NELL1: variants seen among roughly 807,000 people sequenced by gnomAD.
NELL1 encodes the protein protein kinase C-binding protein NELL1.
In NELL1, 76 loss-of-function variants were observed where a neutral mutation model predicts 107.4. The observed-to-expected ratio is 0.71, with a 90% CI of 0.59 to 0.86. The LOEUF is 0.86. Ranked by LOEUF, NELL1 falls within the 40% of genes least tolerant of loss-of-function variation. NELL1 has a pLI of 0.00. For synonymous variants in NELL1, 353 were observed against 341.2 expected (o/e 1.03, Z -0.38); for missense variants, 1,024 against 1,005.5 (o/e 1.02, Z -0.25).
chr11:21,263,662 A>G (rs1035982577), intron 14 of NELL1, among the ~76,000 whole-genome samples: 4 of 151,954 alleles, frequency 2.6e-5, no homozygotes, highest in Non-Finnish European at 5.9e-5. Context: ...CCTAGTTTTT[A>G]AGGAGACTTT....
At chr11:20,967,177 A>G (rs1440394484) in intron 12 of NELL1, among the ~76,000 whole-genome samples, 2 of 152,170 alleles carry the variant, frequency 1.3e-5, no homozygotes, top group Non-Finnish European at 2.9e-5. Flanking sequence ...AGGCCAGTTC[A>G]TAGAAGCCCA....
chr11:21,168,630 G>A (rs533890197), intron 13 of NELL1, among the ~76,000 whole-genome samples: 4 of 151,798 alleles, frequency 2.6e-5, no homozygotes, highest in Admixed American at 2.0e-4. Context: ...TGTTCATTGG[G>A]CGAGACCTTC....
intron 13 of NELL1, among the ~76,000 whole-genome samples, chr11:21,150,750 C>T (rs1856096593): frequency 6.6e-6 from 1 of 151,950 alleles, no homozygotes; most frequent in Non-Finnish European, 1.5e-5. Flanking sequence ...GGAGTGAGAC[C>T]CAGAATTAGG....
chr11:21,472,076 A>G (rs1854196319), intron 15 of NELL1, among the ~76,000 whole-genome samples: 1 of 151,966 alleles, frequency 6.6e-6, no homozygotes, highest in African/African-American at 2.4e-5. Flanking sequence ...CAAGAATGGC[A>G]TTTTTCTTTT....
chr11:21,072,945 G>A (rs966385295), intron 12 of NELL1, among the ~76,000 whole-genome samples: 4 of 152,034 alleles, frequency 2.6e-5, no homozygotes, highest in Admixed American at 1.3e-4. Flanking sequence ...CACACAACAC[G>A]CAGAAATGTG....
chr11:21,008,886 A>G (rs1436526920), intron 12 of NELL1, among the ~76,000 whole-genome samples: 4 of 152,102 alleles, frequency 2.6e-5, no homozygotes, highest in African/African-American at 7.2e-5. Context: ...CATGGAGGAG[A>G]AGAAGAAGCT....
chr11:20,871,118 C>T (rs1482676829), intron 4 of NELL1, among the ~76,000 whole-genome samples: 1 of 152,112 alleles, frequency 6.6e-6, no homozygotes, highest in African/African-American at 2.4e-5. Flanking sequence ...AAGTAGCTAC[C>T]ATTATTCAGC....
chr11:20,941,148 T>TAAAAC (rs952060743), intron 10 of NELL1, among the ~76,000 whole-genome samples: 4 of 151,842 alleles, frequency 2.6e-5, no homozygotes, highest in Admixed American at 1.3e-4. Flanking sequence ...CAAAAAAAAG[T>TAAAAC]AAAACAAAAC....
intron 14 of NELL1, among the ~76,000 whole-genome samples, chr11:21,333,983 C>T (rs1276822416): frequency 1.3e-5 from 2 of 152,022 alleles, no homozygotes; most frequent in Non-Finnish European, 1.5e-5. Context: ...GGTTGGAACA[C>T]ACAATTACTT....
At position 20,947,411 on chromosome 11, in the gene NELL1, A is replaced by C. The variant is rs747789654; in HGVS notation, c.1147A>C (p.Asn383His). ...CSEKDHILPENQCCRVCRGHN... is the reference protein window; with the variant it reads ...CSEKDHILPEHQCCRVCRGHN... ...AGAAAAGGATCACATTCTTCCTGAGAATCAGTGCTGCCGTGTCTGTAGAGG... is the reference window on the plus strand; with the variant it reads ...AGAAAAGGATCACATTCTTCCTGAGCATCAGTGCTGCCGTGTCTGTAGAGG... The change falls in exon 11 of 20, where the codon AAT (asparagine) becomes CAT (histidine). Residue 383 changes from asparagine (N) to histidine (H), a missense_variant. By Grantham distance (68) the Asn-to-His change is moderately conservative. Coordinates refer to ENST00000357134, the MANE Select transcript of NELL1 (RefSeq NM_006157.5). The C allele has an allele frequency of 6.2e-7, 1 of 1,614,034 alleles. No homozygotes were observed. Among genetic ancestry groups the C allele is most frequent in the South Asian group, 1.1e-5 (1 of 91,072 alleles).
chr11:20,988,439 C>CACACATGTACATATATGTGTG (rs1851898483), intron 12 of NELL1, among the ~76,000 whole-genome samples: 3 of 104,322 alleles, frequency 2.9e-5, no homozygotes, highest in Admixed American at 8.3e-5. Context: ...GTATATATAT[C>CACACATGTACATATATGTGTG]TATATATACA....
At chr11:20,732,423 G>A (rs1855668019) in intron 2 of NELL1, among the ~76,000 whole-genome samples, 1 of 152,124 alleles carries the variant, frequency 6.6e-6, no homozygotes, top group African/African-American at 2.4e-5. Flanking sequence ...TCCTACTGTT[G>A]TTTTTCTGAT....
chr11:21,102,139 C>A (rs1158911070), intron 12 of NELL1, among the ~76,000 whole-genome samples: 1 of 152,196 alleles, frequency 6.6e-6, no homozygotes, highest in African/African-American at 2.4e-5. Flanking sequence ...TGGCATGAGC[C>A]ACCACACCCG....
intron 15 of NELL1, among the ~76,000 whole-genome samples, chr11:21,421,623 C>A (rs1326044762): frequency 6.7e-6 from 1 of 149,486 alleles, no homozygotes; most frequent in Non-Finnish European, 1.5e-5. Context: ...CTGTAAGCTA[C>A]TCCTTCTCCC....
chr11:20,872,287 G>A (rs1386094639), intron 4 of NELL1, among the ~76,000 whole-genome samples: 4 of 149,442 alleles, frequency 2.7e-5, no homozygotes, highest in South Asian at 2.1e-4. Context: ...TGATTCTCCC[G>A]CTCCCACCTC....
chr11:21,368,956 G>C (rs2133750399), intron 14 of NELL1, among the ~76,000 whole-genome samples: 1 of 151,982 alleles, frequency 6.6e-6, no homozygotes, highest in Admixed American at 6.6e-5. Context: ...CACATCCTTA[G>C]AACATCACAG....
At chr11:21,315,861 TTGGTGGTGG>T (rs148401464) in intron 14 of NELL1, among the ~76,000 whole-genome samples, 2 of 151,002 alleles carry the variant, frequency 1.3e-5, no homozygotes, top group South Asian at 2.1e-4. Context: ...TTTGAATGTG[TTGGTGGTGG>T]TGGTGGTGGT....
At chr11:20,788,385 G>A (rs1156891465) in intron 3 of NELL1, among the ~76,000 whole-genome samples, 1 of 152,186 alleles carries the variant, frequency 6.6e-6, no homozygotes, top group Non-Finnish European at 1.5e-5. Flanking sequence ...TCTTTTTGAT[G>A]ATAGACATTC....
intron 15 of NELL1, among the ~76,000 whole-genome samples, chr11:21,505,824 A>C (rs1272128127): frequency 1.3e-5 from 2 of 152,198 alleles, no homozygotes; most frequent in African/African-American, 4.8e-5. Flanking sequence ...TCTCCAGTAG[A>C]CTACAGAGTC....
Sources: allele counts gnomAD v4.1 joint callset (sites outside exome capture counted in the v4.1 genomes callset), GRCh38; gene constraint gnomAD v4.1.1; transcripts MANE v1.5; gene names NCBI Gene and HGNC (gene_info 2026-07-23, HGNC 2026-07-21).